Variants in CDIN1 observed in about 807,000 individuals in gnomAD.
The protein encoded by CDIN1 is CDAN1 interacting nuclease 1, also known as CDAN1-interacting nuclease 1.
A neutral mutation model predicts 45.3 loss-of-function variants in CDIN1; 33 were observed. The ratio of observed to expected loss-of-function variants is 0.73; its 90% CI spans 0.55 to 0.97. The LOEUF is 0.97. Ranked by LOEUF, CDIN1 falls within the 50% of genes least tolerant of loss-of-function variation. The pLI, the probability that CDIN1 is intolerant of heterozygous loss-of-function variation, is 0.00. For synonymous variants in CDIN1, 118 were observed against 124.4 expected (o/e 0.95, Z 0.34); for missense variants, 303 against 339.4 (o/e 0.89, Z 0.84).
intron 3 of CDIN1, among the ~76,000 whole-genome samples, 163 bp downstream of exon 3, chr15:36,645,450 G>C (rs1198148742): frequency 6.6e-6 from 1 of 150,606 alleles, no homozygotes. Flanking sequence ...GTTTTCAAAT[G>C]CTTTGTTTTG....
At chr15:36,580,026 G>C (rs1331819096) in intron 1 of CDIN1, 65 bp downstream of exon 1, 3 of 1,427,204 alleles carry the variant, frequency 2.1e-6, no homozygotes, top group Middle Eastern at 1.8e-4. Flanking sequence ...GGCCGCCCAG[G>C]CAGCGCTTAG....
At chr15:36,745,688 G>T (rs542884229) in intron 10 of CDIN1, among the ~76,000 whole-genome samples, 1 of 152,076 alleles carries the variant, frequency 6.6e-6, no homozygotes, top group South Asian at 2.1e-4. Flanking sequence ...TTATGAGGCC[G>T]GGTGCAGTGG....
intron 5 of CDIN1, among the ~76,000 whole-genome samples, chr15:36,659,969 T>TTTC (rs1180641851): frequency 4.2e-5 from 6 of 143,628 alleles, no homozygotes; most frequent in South Asian, 2.3e-4. Flanking sequence ...TCCTTTTCTT[T>TTTC]TTTTTTTTTT....
intron 8 of CDIN1, chr15:36,704,190 C>CT (rs35632569): frequency 0.14 from 21,210 of 151,998 alleles, 1,533 homozygotes; most frequent in East Asian, 0.25. Context: ...TTCACCTCCC[C>CT]TTTTTTTTCT....
intron 1 of CDIN1, among the ~76,000 whole-genome samples, chr15:36,585,179 G>A (rs898088553): frequency 6.6e-6 from 1 of 152,164 alleles, no homozygotes; most frequent in Non-Finnish European, 1.5e-5. Context: ...CAGAAAAGTT[G>A]CAGAAATATT....
intron 10 of CDIN1, among the ~76,000 whole-genome samples, chr15:36,736,284 C>A (rs1456121045): frequency 1.3e-5 from 2 of 152,124 alleles, no homozygotes; most frequent in Non-Finnish European, 2.9e-5. Flanking sequence ...TTTCCCTCTT[C>A]CCTAGAATTG....
chr15:36,608,277 T>G (rs2140261146), intron 1 of CDIN1, among the ~76,000 whole-genome samples: 1 of 152,364 alleles, frequency 6.6e-6, no homozygotes, highest in Admixed American at 6.5e-5. Flanking sequence ...TGCATCATTT[T>G]ACGTTTCTCC....
chr15:36,713,032 A>G (rs2043109574), intron 10 of CDIN1, among the ~76,000 whole-genome samples: 1 of 152,200 alleles, frequency 6.6e-6, no homozygotes, highest in African/African-American at 2.4e-5. Context: ...ATTACTAAGT[A>G]TACTTTTATA....
At chr15:36,787,005 TC>T (rs1481385249) in intron 10 of CDIN1, among the ~76,000 whole-genome samples, 3 of 152,186 alleles carry the variant, frequency 2.0e-5, no homozygotes, top group Admixed American at 1.3e-4. Flanking sequence ...GCCTCATGTT[TC>T]CATCCTCACA....
intron 8 of CDIN1, among the ~76,000 whole-genome samples, chr15:36,703,353 TATATC>T (rs1194046649): frequency 2.7e-5 from 2 of 74,098 alleles, no homozygotes; most frequent in South Asian, 3.9e-4. Flanking sequence ...GATATATACA[TATATC>T]AGATAGATCT....
chr15:36,629,541 A>G (rs1265057898), intron 1 of CDIN1, among the ~76,000 whole-genome samples: 3 of 152,204 alleles, frequency 2.0e-5, no homozygotes, highest in Non-Finnish European at 4.4e-5. Context: ...TGCCTACTAA[A>G]TTATGCTGAA....
At position 36,662,850 on chromosome 15, in the gene CDIN1, T is replaced by A. The variant is rs35968129; in HGVS notation, c.346+4945T>A. Among the ~76,000 whole-genome samples the A allele has an allele frequency of 1.8e-3, 188 of 106,204 alleles. 2 individuals are homozygous for A. The highest frequency in any genetic ancestry group is 3.1e-3 in the Non-Finnish European group (167 of 54,196). 69.7% of individuals were successfully genotyped at this position (106,204 alleles called of 152,430 possible). ...GTCTGGGACCAGAAGTGTTTCAGAT[T>A]TTAGTTTTTTTTTTTTTTTTTTTGG... On this transcript the variant is annotated intron_variant, in intron 5 of 10. Transcript: ENST00000566621.
chr15:36,622,998 T>G (rs2039263870), intron 1 of CDIN1, among the ~76,000 whole-genome samples: 1 of 152,226 alleles, frequency 6.6e-6, no homozygotes, highest in Non-Finnish European at 1.5e-5. Context: ...AGGGCACACA[T>G]TCAAATTTGG....
At chr15:36,592,230 T>C (rs1441598776) in intron 1 of CDIN1, among the ~76,000 whole-genome samples, 1 of 152,238 alleles carries the variant, frequency 6.6e-6, no homozygotes, top group South Asian at 2.1e-4. Flanking sequence ...ATGCTGGTGC[T>C]CTTTCCAGCT....
intron 10 of CDIN1, among the ~76,000 whole-genome samples, chr15:36,756,846 G>A (rs2053622169): frequency 6.6e-6 from 1 of 152,104 alleles, no homozygotes; most frequent in South Asian, 2.1e-4. Context: ...CTTTTCGAGT[G>A]GTAATAAGGA....
At chr15:36,771,792 G>A (rs531916604) in intron 10 of CDIN1, among the ~76,000 whole-genome samples, 5 of 152,100 alleles carry the variant, frequency 3.3e-5, no homozygotes, top group Non-Finnish European at 7.4e-5. Flanking sequence ...AGCTGGGCAC[G>A]GTGGTGGGTG....
At chr15:36,746,320 G>A (rs116332716) in intron 10 of CDIN1, among the ~76,000 whole-genome samples, 123 of 152,240 alleles carry the variant, frequency 8.1e-4, no homozygotes, top group African/African-American at 2.7e-3. Context: ...GGAAGTTATT[G>A]CTGAAATACA....
intron 1 of CDIN1, chr15:36,617,848 C>T: frequency 1.3e-6 from 1 of 779,030 alleles, no homozygotes; most frequent in South Asian, 1.3e-5. Flanking sequence ...CTTTTAAATC[C>T]TTAAGAGAAG....
intron 10 of CDIN1, among the ~76,000 whole-genome samples, chr15:36,770,784 G>T (rs2054056511): frequency 6.6e-6 from 1 of 152,136 alleles, no homozygotes. Context: ...TATGTGTTTG[G>T]CCTCTAGGAG....
Sources: allele counts gnomAD v4.1 joint callset (sites outside exome capture counted in the v4.1 genomes callset), GRCh38; gene constraint gnomAD v4.1.1; transcripts MANE v1.5; gene names NCBI Gene and HGNC (gene_info 2026-07-23, HGNC 2026-07-21).